Variants in RGS6 observed in about 807,000 individuals in gnomAD.
The protein encoded by RGS6 is regulator of G protein signaling 6.
RGS6 carries 30 observed loss-of-function variants against 78.5 expected under a neutral mutation model. The ratio of observed to expected loss-of-function variants is 0.38; its 90% CI spans 0.29 to 0.52. RGS6 has a LOEUF of 0.52. Among genes scored for constraint, RGS6 ranks in the 20% least tolerant of loss-of-function variants. The pLI is 0.85. For synonymous variants in RGS6, 206 were observed against 206.0 expected (o/e 1.00, Z 0.00); for missense variants, 495 against 609.7 (o/e 0.81, Z 1.98).
intron 2 of RGS6, among the ~76,000 whole-genome samples, chr14:72,346,736 A>G (rs1240511822): frequency 6.6e-6 from 1 of 152,202 alleles, no homozygotes; most frequent in African/African-American, 2.4e-5. Flanking sequence ...TCAACACAGC[A>G]TGTCAGAGAA....
intron 2 of RGS6, among the ~76,000 whole-genome samples, chr14:72,113,288 CT>C (rs1281069230): frequency 6.6e-6 from 1 of 152,192 alleles, no homozygotes; most frequent in Non-Finnish European, 1.5e-5. Flanking sequence ...TTATCAGTCC[CT>C]TTTTCCTCAT....
At chr14:72,409,891 A>C (rs537797767) in intron 3 of RGS6, among the ~76,000 whole-genome samples, 147 of 152,168 alleles carry the variant, frequency 9.7e-4, no homozygotes, top group Non-Finnish European at 1.8e-3. Context: ...AAGCACATGA[A>C]CTCATCCTTT....
intron 2 of RGS6, among the ~76,000 whole-genome samples, chr14:72,021,345 C>T (rs1237407004): frequency 1.3e-5 from 2 of 152,154 alleles, no homozygotes; most frequent in African/African-American, 2.4e-5. Flanking sequence ...CATCTGTGGC[C>T]ACCAAAGCAC....
At chr14:72,443,092 C>T (rs529075061) in intron 3 of RGS6, among the ~76,000 whole-genome samples, 3 of 152,276 alleles carry the variant, frequency 2.0e-5, no homozygotes, top group South Asian at 2.1e-4. Flanking sequence ...ACTTAGGAAT[C>T]TCCACCAGGA....
chr14:72,399,144 C>T (rs1375648532), intron 3 of RGS6, among the ~76,000 whole-genome samples: 1 of 143,088 alleles, frequency 7.0e-6, no homozygotes, highest in Non-Finnish European at 1.5e-5. Flanking sequence ...CTAATGTTGA[C>T]AGTGGGGTGT....
At chr14:72,170,194 C>G (rs987111559) in intron 2 of RGS6, among the ~76,000 whole-genome samples, 2 of 152,148 alleles carry the variant, frequency 1.3e-5, no homozygotes, top group African/African-American at 4.8e-5. Flanking sequence ...CAATGTATCC[C>G]CTTCTTACCA....
chr14:72,199,601 GA>G (rs2041014209), intron 2 of RGS6, among the ~76,000 whole-genome samples: 1 of 152,212 alleles, frequency 6.6e-6, no homozygotes, highest in African/African-American at 2.4e-5. Context: ...GTCACTGCAT[GA>G]ATTACTTGGG....
At chr14:71,972,616 T>C (rs1165980666) in intron 2 of RGS6, among the ~76,000 whole-genome samples, 2 of 151,862 alleles carry the variant, frequency 1.3e-5, no homozygotes, top group Non-Finnish European at 2.9e-5. Flanking sequence ...GAAGATTCAG[T>C]GTGGAGGTCA....
At chr14:72,277,995 T>C (rs1021129443) in intron 2 of RGS6, among the ~76,000 whole-genome samples, 4 of 152,102 alleles carry the variant, frequency 2.6e-5, no homozygotes, top group African/African-American at 7.2e-5. Flanking sequence ...ATCCTAGCTA[T>C]GTGGCCCAAG....
chr14:72,415,036 G>A (rs559303672), intron 3 of RGS6, among the ~76,000 whole-genome samples: 13 of 152,174 alleles, frequency 8.5e-5, no homozygotes, highest in South Asian at 6.2e-4. Flanking sequence ...CCCAGACTGC[G>A]TGCTGAGAGA....
chr14:72,550,587 G>C, intron 17 of RGS6: 1 of 1,535,152 alleles, frequency 6.5e-7, no homozygotes, highest in Non-Finnish European at 8.7e-7. Context: ...AAAAGTGGTG[G>C]GGGAATTCTG....
intron 2 of RGS6, among the ~76,000 whole-genome samples, chr14:72,029,719 C>T (rs762080714): frequency 3.3e-5 from 5 of 152,148 alleles, no homozygotes; most frequent in Non-Finnish European, 5.9e-5. Flanking sequence ...GAAGCATTTT[C>T]CTCCCTTCAT....
chr14:72,202,647 C>T (rs942467901), intron 2 of RGS6, among the ~76,000 whole-genome samples: 5 of 152,094 alleles, frequency 3.3e-5, no homozygotes, highest in Admixed American at 6.6e-5. Context: ...CAGATGTCCC[C>T]CAAAGTGTCT....
At chr14:72,094,181 T>C (rs2095348750) in intron 2 of RGS6, among the ~76,000 whole-genome samples, 1 of 152,246 alleles carries the variant, frequency 6.6e-6, no homozygotes, top group African/African-American at 2.4e-5. Context: ...ATGGAAGCAA[T>C]GTAAAGCAAA....
rs564437932 is a variant in RGS6, at chr14:72,243,753, C to T, written c.85-108342C>T. On this transcript the variant is annotated intron_variant, in intron 2 of 17. Transcript: ENST00000553525. ...TTTCCTACATTCTCTAGGAAAAGCACCTTTTTTTTTTTTCTTGTCTTTATA... is the reference window on the plus strand; with the variant it reads ...TTTCCTACATTCTCTAGGAAAAGCATCTTTTTTTTTTTTCTTGTCTTTATA... 3.3e-5 allele frequency among the ~76,000 whole-genome samples: 5 copies of T among 151,850 alleles called. No individual in the cohort carries two copies. In the East Asian group the frequency reaches 5.8e-4, roughly 18 times the overall value.
At chr14:72,414,573 T>C (rs1385076559) in intron 3 of RGS6, among the ~76,000 whole-genome samples, 2 of 152,252 alleles carry the variant, frequency 1.3e-5, no homozygotes, top group Non-Finnish European at 1.5e-5. Flanking sequence ...GTCAAAGTCA[T>C]TCTCCGTCCA....
intron 1 of RGS6, among the ~76,000 whole-genome samples, chr14:71,939,669 C>T (rs2090175463): frequency 6.6e-6 from 1 of 152,240 alleles, no homozygotes; most frequent in African/African-American, 2.4e-5. Flanking sequence ...AATGAAACCA[C>T]ATCTGGTACA....
chr14:72,026,683 C>G (rs551510603), intron 2 of RGS6, among the ~76,000 whole-genome samples: 1 of 152,320 alleles, frequency 6.6e-6, no homozygotes, highest in Admixed American at 6.5e-5. Flanking sequence ...TTTCAAAGCC[C>G]TCTAAGCCAT....
At chr14:72,074,976 CT>C (rs1393849599) in intron 2 of RGS6, among the ~76,000 whole-genome samples, 1 of 152,134 alleles carries the variant, frequency 6.6e-6, no homozygotes, top group East Asian at 1.9e-4. Flanking sequence ...AATGAACTGC[CT>C]TTAAAAAGAA....
Sources: gnomAD v4.1 joint callset for allele counts (sites outside exome capture counted in the v4.1 genomes callset) on GRCh38, gnomAD v4.1.1 for gene constraint, MANE v1.5 for transcripts, NCBI Gene and HGNC (gene_info 2026-07-23, HGNC 2026-07-21) for gene names.